AGBL3: variants seen among roughly 807,000 people sequenced by gnomAD.
The protein encoded by AGBL3 is cytosolic carboxypeptidase 3.
In AGBL3, 68 loss-of-function variants were observed where a neutral mutation model predicts 94.5. The observed-to-expected ratio is 0.72, with a 90% CI of 0.59 to 0.88. The LOEUF is 0.88. AGBL3 is among the 40% of genes least tolerant of loss of function. The pLI, the probability that AGBL3 is intolerant of heterozygous loss-of-function variation, is 0.00. For missense variants in AGBL3, 934 were observed against 1,103.8 expected, an observed-to-expected ratio of 0.85 and a Z score of 2.18; for synonymous variants, 354 against 370.7, an observed-to-expected ratio of 0.95 and a Z score of 0.52.
intron 12 of AGBL3, among the ~76,000 whole-genome samples, chr7:135,062,135 TA>T (rs1818889991): frequency 6.6e-6 from 1 of 152,080 alleles, no homozygotes; most frequent in Non-Finnish European, 1.5e-5. Context: ...TATTCCTACA[TA>T]TTTTTTGTAG....
At chr7:135,023,566 G>A (rs1198401206) in intron 5 of AGBL3, among the ~76,000 whole-genome samples, 2 of 152,148 alleles carry the variant, frequency 1.3e-5, no homozygotes, top group Non-Finnish European at 2.9e-5. Flanking sequence ...CGCCTGCATG[G>A]AGCCCAGGGG....
chr7:135,133,753 T>C (rs1310629926), intron 16 of AGBL3, among the ~76,000 whole-genome samples: 2 of 152,112 alleles, frequency 1.3e-5, no homozygotes, highest in Middle Eastern at 3.2e-3. Context: ...TTACATCTTA[T>C]ACAAAAATTA....
At chr7:135,128,646 C>T (rs1828296020) in intron 16 of AGBL3, 1 of 931,844 alleles carries the variant, frequency 1.1e-6, no homozygotes, top group Non-Finnish European at 1.8e-6. Context: ...TGCCTGGATG[C>T]AATTTCTTAA....
chr7:135,105,885 A>G (rs1341675766), intron 15 of AGBL3, among the ~76,000 whole-genome samples: 1 of 152,156 alleles, frequency 6.6e-6, no homozygotes, highest in Non-Finnish European at 1.5e-5. Context: ...GGAATGTTCC[A>G]TTTGTTTATG....
At chr7:134,999,069 TA>T (rs1811376354) in intron 4 of AGBL3, among the ~76,000 whole-genome samples, 1 of 152,208 alleles carries the variant, frequency 6.6e-6, no homozygotes, top group South Asian at 2.1e-4. Context: ...AATTCTCTAG[TA>T]AACCACTAGT....
intron 4 of AGBL3, among the ~76,000 whole-genome samples, chr7:135,008,701 A>G (rs1312953103): frequency 6.6e-6 from 1 of 152,186 alleles, no homozygotes; most frequent in Non-Finnish European, 1.5e-5. Context: ...AAATGAAAAT[A>G]AAACCCACAG....
At chr7:135,114,879 G>C (rs748832508) in intron 15 of AGBL3, among the ~76,000 whole-genome samples, 1 of 152,122 alleles carries the variant, frequency 6.6e-6, no homozygotes, top group Non-Finnish European at 1.5e-5. Context: ...AAAAATCAAA[G>C]TCCTTCTACT....
At chr7:135,018,462 G>A (rs147817428) in intron 5 of AGBL3, among the ~76,000 whole-genome samples, 11 of 152,322 alleles carry the variant, frequency 7.2e-5, no homozygotes, top group Non-Finnish European at 1.3e-4. Context: ...GAGAAGAGTA[G>A]AGGATAGATC....
chr7:135,086,674 G>A (rs533215540), intron 15 of AGBL3, among the ~76,000 whole-genome samples: 5 of 151,952 alleles, frequency 3.3e-5, no homozygotes, highest in African/African-American at 7.2e-5. Context: ...TGCATCCCTC[G>A]GATGAATCCC....
Position 135,128,838 on chromosome 7 carries a change from G to A in AGBL3, c.2343-6003G>A, listed in dbSNP as rs1471772883. The A allele has an allele frequency of 2.5e-6, 3 of 1,180,580 alleles. No homozygotes were observed. The Admixed American group carries it at 5.1e-5, about 20-fold the overall frequency. The allele number at this position is 1,180,580 out of a possible 1,614,324, so 73.1% of individuals were successfully genotyped here. ...TGGATGAGACAGCTGTGTGCAGGAT[G>A]TGGAATCATTGTTAAATATGATCCA... On this transcript the variant is annotated intron_variant, in intron 16 of 16. Coordinates refer to ENST00000436302, the MANE Select transcript of AGBL3 (RefSeq NM_178563.4).
chr7:135,089,110 T>G (rs1821570754), intron 15 of AGBL3, among the ~76,000 whole-genome samples: 1 of 152,124 alleles, frequency 6.6e-6, no homozygotes, highest in Admixed American at 6.5e-5. Flanking sequence ...ACTACCTGTC[T>G]TTAAGTTCAG....
chr7:135,040,863 T>C (rs1018572378), intron 8 of AGBL3, among the ~76,000 whole-genome samples: 24 of 130,576 alleles, frequency 1.8e-4, no homozygotes, highest in Non-Finnish European at 2.9e-4. Flanking sequence ...TCCAAAGTGA[T>C]CCATGCACAC....
In AGBL3 at chr7:135,092,708, A is replaced by T. The variant is rs1397648041; in HGVS notation, c.2110+10918A>T. Reference sequence around the variant, plus strand: ...TTTCTCAGAAAAGGTAATTGTTAAGATTTCAGGGGCCAAATAAATTGAACT... The same window carrying T: ...TTTCTCAGAAAAGGTAATTGTTAAGTTTTCAGGGGCCAAATAAATTGAACT... On this transcript the variant is annotated intron_variant, in intron 15 of 16. Transcript: ENST00000436302. The T allele has an allele frequency of 2.6e-5, 4 of 152,140 alleles. No homozygotes were observed. In the East Asian group the frequency reaches 7.7e-4, roughly 29 times the overall value. 9.4% of individuals were successfully genotyped at this position (152,140 alleles called of 1,614,324 possible).
intron 16 of AGBL3, among the ~76,000 whole-genome samples, chr7:135,132,286 T>A (rs1828877776): frequency 6.6e-6 from 1 of 152,168 alleles, no homozygotes; most frequent in African/African-American, 2.4e-5. Flanking sequence ...GCAAATAGAA[T>A]TCAGCTCTAA....
At chr7:135,084,046 CT>C (rs1252402450) in intron 15 of AGBL3, among the ~76,000 whole-genome samples, 2 of 152,078 alleles carry the variant, frequency 1.3e-5, no homozygotes, top group African/African-American at 4.8e-5. Flanking sequence ...TCTTGAATAG[CT>C]TTCTTATGTA....
chr7:135,087,742 C>T (rs756949336), intron 15 of AGBL3, among the ~76,000 whole-genome samples: 45 of 151,970 alleles, frequency 3.0e-4, no homozygotes, highest in Middle Eastern at 6.8e-3. Flanking sequence ...CGTTCCCTAA[C>T]GTAAGTCTTA....
rs1373201489 is a variant in AGBL3 at position 135,033,036 on chromosome 7, G to C, written c.557+54G>C. On this transcript the variant is annotated intron_variant, in intron 6 of 16. Transcript: ENST00000436302. The stretch of plus-strand genomic sequence containing the variant: ...GCTAGACCATCAACTATTATTTTCT[G>C]TATCAAGTACATTAAAGTTCTTAGT... 3 of 1,444,386 alleles carry C rather than the reference G, an allele frequency of 2.1e-6. No homozygotes were observed. The Admixed American group carries it at 7.8e-5, about 38-fold the overall frequency. 89.5% of individuals were successfully genotyped at this position (1,444,386 alleles called of 1,614,324 possible). A position where few individuals can be genotyped will look rare whatever the true frequency, so the allele number is the denominator to read the frequency against.
intron 4 of AGBL3, among the ~76,000 whole-genome samples, chr7:135,006,025 G>A (rs1812341717): frequency 1.3e-5 from 2 of 151,530 alleles, no homozygotes; most frequent in Non-Finnish European, 3.0e-5. Flanking sequence ...TTATGATCTA[G>A]AGCTAAGCAA....
At chr7:135,093,123 G>C (rs963062996) in intron 15 of AGBL3, 2 of 150,556 alleles carry the variant, frequency 1.3e-5, no homozygotes, top group Admixed American at 6.6e-5. Context: ...CTGAGACCTG[G>C]AACAAGACAG....
Sources: gnomAD v4.1 joint callset for allele counts (sites outside exome capture counted in the v4.1 genomes callset) on GRCh38, gnomAD v4.1.1 for gene constraint, MANE v1.5 for transcripts, NCBI Gene and HGNC (gene_info 2026-07-23, HGNC 2026-07-21) for gene names.